Variants in ARB2A observed in about 807,000 individuals in gnomAD.
ARB2A encodes the protein cotranscriptional regulator ARB2A.
the ARB2A span, among the ~76,000 whole-genome samples, chr5:93,724,156 A>G: frequency 6.6e-6 from 1 of 151,980 alleles, no homozygotes; most frequent in African/African-American, 2.4e-5. Context: ...AGTAAAAATG[A>G]TCGGTGAATG....
chr5:93,678,538 T>C, the ARB2A span, among the ~76,000 whole-genome samples: 2 of 152,244 alleles, frequency 1.3e-5, no homozygotes, highest in South Asian at 2.1e-4. Flanking sequence ...GGTGGATCAC[T>C]TGAGGTCAGG....
the ARB2A span, among the ~76,000 whole-genome samples, chr5:93,974,492 T>C: frequency 6.6e-6 from 1 of 151,896 alleles, no homozygotes; most frequent in African/African-American, 2.4e-5. Flanking sequence ...AGCCACACAA[T>C]AATAAGGGAA....
chr5:93,697,992 A>G, the ARB2A span, among the ~76,000 whole-genome samples: 1 of 152,158 alleles, frequency 6.6e-6, no homozygotes, highest in South Asian at 2.1e-4. Context: ...GACATATATT[A>G]TTTTATTAAA....
chr5:93,625,945 T>C, the ARB2A span, among the ~76,000 whole-genome samples: 1 of 152,230 alleles, frequency 6.6e-6, no homozygotes, highest in South Asian at 2.1e-4. Flanking sequence ...ATGACTCTGA[T>C]TCAAGTGTTT....
the ARB2A span, among the ~76,000 whole-genome samples, chr5:94,054,076 G>A: frequency 6.6e-6 from 1 of 152,134 alleles, no homozygotes; most frequent in Non-Finnish European, 1.5e-5. Flanking sequence ...CTGAGTTTTG[G>A]AGTAATTTTA....
chr5:93,898,877 T>C, the ARB2A span, among the ~76,000 whole-genome samples: 1 of 152,102 alleles, frequency 6.6e-6, no homozygotes, highest in Non-Finnish European at 1.5e-5. Context: ...ACTTCACATG[T>C]ATCATCTCAC....
At chr5:94,101,325 GACCCTGAT>G in the ARB2A span, among the ~76,000 whole-genome samples, 1 of 152,200 alleles carries the variant, frequency 6.6e-6, no homozygotes, top group Admixed American at 6.5e-5. Context: ...AAGTTGTGGA[GACCCTGAT>G]ACATTGTCGG....
chr5:93,652,693 A>T, the ARB2A span, among the ~76,000 whole-genome samples: 2 of 152,214 alleles, frequency 1.3e-5, no homozygotes, highest in Non-Finnish European at 2.9e-5. Flanking sequence ...GGATATCAAC[A>T]GCTGCTGATT....
the ARB2A span, among the ~76,000 whole-genome samples, chr5:93,816,579 A>C: frequency 6.6e-6 from 1 of 152,192 alleles, no homozygotes. Flanking sequence ...CAGGGAAGGC[A>C]GTAGGACCTG....
chr5:93,947,410 C>T, the ARB2A span, among the ~76,000 whole-genome samples: 1 of 151,970 alleles, frequency 6.6e-6, no homozygotes, highest in African/African-American at 2.4e-5. Flanking sequence ...AAAGAAACCT[C>T]CTTTTAATAA....
chr5:94,053,308 G>A, the ARB2A span: 1 of 761,270 alleles, frequency 1.3e-6, no homozygotes. Flanking sequence ...TTAATTTAAA[G>A]TATTCTTTGT....
chr5:93,943,065 T>C, the ARB2A span, among the ~76,000 whole-genome samples: 1 of 152,128 alleles, frequency 6.6e-6, no homozygotes, highest in Non-Finnish European at 1.5e-5. Context: ...TGTTTTGTGT[T>C]ATTATAAACT....
chr5:93,947,513 TA>T, the ARB2A span, among the ~76,000 whole-genome samples: 6 of 150,752 alleles, frequency 4.0e-5, no homozygotes, highest in South Asian at 2.1e-4. Flanking sequence ...ATCTTCTTTT[TA>T]TTATTATTAT....
At chr5:93,773,036 T>C in the ARB2A span, among the ~76,000 whole-genome samples, 28 of 152,340 alleles carry the variant, frequency 1.8e-4, no homozygotes, top group African/African-American at 6.7e-4. Flanking sequence ...TAAATCAGCA[T>C]TTAATATATG....
the ARB2A span, among the ~76,000 whole-genome samples, chr5:93,696,422 G>A: frequency 2.2e-3 from 338 of 152,152 alleles, 1 homozygote; most frequent in African/African-American, 7.9e-3. Context: ...ATCTTTCAAG[G>A]TTCAGTTTAA....
the ARB2A span, among the ~76,000 whole-genome samples, chr5:93,938,408 T>C: frequency 6.6e-6 from 1 of 152,204 alleles, no homozygotes; most frequent in Non-Finnish European, 1.5e-5. Flanking sequence ...GGGTCACTAT[T>C]TTAATTGTTT....
chr5:93,758,067 T>C, the ARB2A span, among the ~76,000 whole-genome samples: 1 of 152,058 alleles, frequency 6.6e-6, no homozygotes, highest in Admixed American at 6.6e-5. Context: ...TTCATGCAAA[T>C]GGACGCCAAA....
At chr5:94,102,680 G>A in the ARB2A span, among the ~76,000 whole-genome samples, 1 of 152,006 alleles carries the variant, frequency 6.6e-6, no homozygotes. Context: ...CCTGTAAGAT[G>A]CTATTCAAGA....
chr5:94,073,076 C>T, the ARB2A span, among the ~76,000 whole-genome samples: 38 of 152,032 alleles, frequency 2.5e-4, no homozygotes, highest in Admixed American at 3.3e-4. Context: ...GCCATGTAAA[C>T]GTGAAATCCT....
Sources: gnomAD v4.1 joint callset for allele counts (sites outside exome capture counted in the v4.1 genomes callset) on GRCh38, gnomAD v4.1.1 for gene constraint, MANE v1.5 for transcripts, NCBI Gene and HGNC (gene_info 2026-07-23, HGNC 2026-07-21) for gene names.